Variants in CDON observed in about 807,000 individuals in gnomAD.
The protein encoded by CDON is cell adhesion associated, oncogene regulated, also known as cell adhesion molecule-related/down-regulated by oncogenes.
Under a neutral mutation model 120.9 loss-of-function variants are expected in CDON, and 73 were observed. The observed-to-expected ratio is 0.60, with a 90% CI of 0.50 to 0.73. The LOEUF (loss-of-function observed/expected upper bound fraction) is 0.73. Ranked by LOEUF, CDON falls within the 30% of genes least tolerant of loss-of-function variation. The pLI, the probability that CDON is intolerant of heterozygous loss-of-function variation, is 0.00. For missense variants in CDON, 1,470 were observed against 1,587.3 expected, an observed-to-expected ratio of 0.93 and a Z score of 1.26; for synonymous variants, 566 against 573.5, an observed-to-expected ratio of 0.99 and a Z score of 0.19.
Position 125,960,654 on chromosome 11 carries a change from G to A in CDON, c.*288C>T. 1 of 426,434 alleles carries A rather than the reference G, an allele frequency of 2.3e-6. No homozygotes were observed. Among genetic ancestry groups the A allele is most frequent in the Non-Finnish European group, 4.3e-6 (1 of 231,354 alleles). 26.4% of individuals were successfully genotyped at this position (426,434 alleles called of 1,614,324 possible). On this transcript the variant is annotated 3_prime_UTR_variant, in exon 20 of 20. Coordinates refer to ENST00000531738, the MANE Select transcript of CDON (RefSeq NM_001378964.1). The stretch of plus-strand genomic sequence containing the variant: ...AGGAGCTCTTGCTGTCACTATAGCT[G>A]TTAGAAAACATGGAAGGACCCCTCT...
At chr11:126,030,770 T>G in intron 1 of CDON, among the ~76,000 whole-genome samples, 1 of 152,326 alleles carries the variant, frequency 6.6e-6, no homozygotes, top group East Asian at 1.9e-4. Context: ...AAGTCAAATA[T>G]AGTATATACT....
chr11:125,979,153 A>G (rs1250838163), intron 17 of CDON, among the ~76,000 whole-genome samples: 1 of 152,226 alleles, frequency 6.6e-6, no homozygotes, highest in African/African-American at 2.4e-5. Context: ...TGAATTTGAT[A>G]AAAGGTGGGA....
chr11:126,022,445 C>T (rs998897271), intron 2 of CDON, among the ~76,000 whole-genome samples: 1 of 152,150 alleles, frequency 6.6e-6, no homozygotes, highest in East Asian at 1.9e-4. Context: ...ATGGTTTCGT[C>T]TGTTATTTCT....
chr11:125,970,170 A>ATT (rs1327352616), intron 18 of CDON, among the ~76,000 whole-genome samples: 1 of 95,848 alleles, frequency 1.0e-5, no homozygotes, highest in African/African-American at 3.9e-5. Flanking sequence ...GTGGTAGTTT[A>ATT]TGTTTTTTTT....
chr11:125,978,009 A>G (rs1326459256), intron 18 of CDON, among the ~76,000 whole-genome samples: 2 of 152,210 alleles, frequency 1.3e-5, no homozygotes, highest in Non-Finnish European at 2.9e-5. Context: ...TAAAGTCTTT[A>G]TAACAGAGAA....
rs1486392599 is a variant in CDON at position 126,018,483 on chromosome 11, GA to G, written c.497-11del. 6.2e-7 allele frequency: 1 copy of G among 1,613,044 alleles called. No homozygotes were observed. The highest frequency in any genetic ancestry group is 8.5e-7 in the Non-Finnish European group (1 of 1,179,194). ...AGGATTAAGTAATTCTCTGAGGAAG[GA>G]AGGGAGTGCAGTTAGGCCTCTCCCT... On this transcript the variant is annotated splice_polypyrimidine_tract_variant and intron_variant, in intron 4 of 19. Transcript: ENST00000531738.
chr11:126,040,604 A>G (rs1471910394), intron 1 of CDON, among the ~76,000 whole-genome samples: 2 of 151,898 alleles, frequency 1.3e-5, no homozygotes, highest in East Asian at 3.9e-4. Context: ...TCACAAGGTC[A>G]GGAGATCGAG....
At chr11:126,033,374 AG>A (rs1490285881) in intron 1 of CDON, among the ~76,000 whole-genome samples, 1 of 152,170 alleles carries the variant, frequency 6.6e-6, no homozygotes, top group Non-Finnish European at 1.5e-5. Flanking sequence ...TTTGGGTCGC[AG>A]ATGACACTCT....
intron 1 of CDON, among the ~76,000 whole-genome samples, chr11:126,046,643 T>C (rs555878593): frequency 6.6e-6 from 1 of 152,306 alleles, no homozygotes; most frequent in African/African-American, 2.4e-5. Flanking sequence ...CTACAACACC[T>C]TCTGGCTCCA....
chr11:126,027,969 CTTTT>C (rs769832631), intron 1 of CDON, among the ~76,000 whole-genome samples: 3 of 125,774 alleles, frequency 2.4e-5, no homozygotes, highest in Admixed American at 8.1e-5. Context: ...ATCACTCTGC[CTTTT>C]TTTTTTTTTT....
At chr11:126,056,113 A>C (rs1948674942) in intron 1 of CDON, among the ~76,000 whole-genome samples, 1 of 152,328 alleles carries the variant, frequency 6.6e-6, no homozygotes, top group South Asian at 2.1e-4. Context: ...GTTGCACCCA[A>C]GAAAGAGATT....
chr11:126,029,470 A>G lies in CDON; in HGVS notation c.-61-5933T>C, dbSNP rs1947891146. Among the ~76,000 whole-genome samples the G allele has an allele frequency of 3.3e-5, 5 of 152,314 alleles. No homozygotes were observed. The South Asian group carries it at 1.0e-3, about 32-fold the overall frequency. On this transcript the variant is annotated intron_variant, in intron 1 of 19. Coordinates refer to ENST00000531738, the MANE Select transcript of CDON (RefSeq NM_001378964.1). The stretch of plus-strand genomic sequence containing the variant: ...CAAAAATTGCTGACACTCTAAGGGA[A>G]TATTTGCTGACATTCAAAACAGTAA...
At chr11:126,001,981 G>GT (rs1946960171) in intron 10 of CDON, 131 bp from the exon 11 acceptor site, 1 of 713,892 alleles carries the variant, frequency 1.4e-6, no homozygotes, top group Admixed American at 2.1e-5. Flanking sequence ...GCATCTAAAT[G>GT]TAAGACCTAC....
At chr11:125,999,850 A>G (rs1433864352) in intron 11 of CDON, among the ~76,000 whole-genome samples, 1 of 152,218 alleles carries the variant, frequency 6.6e-6, no homozygotes, top group Non-Finnish European at 1.5e-5. Flanking sequence ...ACTTTGAAGC[A>G]TATCACACAA....
At chr11:125,997,448 T>A in intron 11 of CDON, 38 bp from the exon 12 acceptor site, 1 of 1,420,696 alleles carries the variant, frequency 7.0e-7, no homozygotes, top group Non-Finnish European at 9.8e-7. Context: ...ACCCACCATG[T>A]CAGAGACAAG....
At chr11:126,012,369 C>T (rs979200697) in intron 7 of CDON, among the ~76,000 whole-genome samples, 2 of 151,818 alleles carry the variant, frequency 1.3e-5, no homozygotes, top group East Asian at 3.8e-4. Flanking sequence ...TTAAATTATA[C>T]TTTCTGTTTG....
chr11:126,029,854 C>G (rs1193471118), intron 1 of CDON, among the ~76,000 whole-genome samples: 1 of 152,146 alleles, frequency 6.6e-6, no homozygotes, highest in East Asian at 1.9e-4. Context: ...CCTGGTAGTA[C>G]AGTCTCTCCG....
rs760729204 is a variant in CDON at position 126,001,808 on chromosome 11, G to A, written c.2069C>T (p.Pro690Leu). The part of the protein sequence containing the change: ...SSKNTQASSP[P>L]VGIPKYPVVS... ...AACGGGATACTTAGGGATGCCCACGGGTGGAGAGGATGCCTGGGTGTTTTT... is the reference window on the plus strand; with the variant it reads ...AACGGGATACTTAGGGATGCCCACGAGTGGAGAGGATGCCTGGGTGTTTTT... Residue 690 changes from proline (P) to leucine (L), a missense_variant, in exon 11 of 20, where the codon CCC becomes CTC. Physicochemically the swap from Pro to Leu is moderately conservative, Grantham distance 98 (BLOSUM62 -3). Transcript: ENST00000531738. 3 of 1,610,604 alleles carry A rather than the reference G, an allele frequency of 1.9e-6. No homozygotes were observed. The highest frequency in any genetic ancestry group is 2.7e-5 in the African/African-American group (2 of 74,878).
Position 125,961,862 on chromosome 11 carries a change from C to T in CDON, c.3493G>A (p.Val1165Ile). Residue 1165 changes from valine (V) to isoleucine (I), a missense_variant, in exon 19 of 20, where the codon GTC becomes ATC. Physicochemically the swap from Val to Ile is conservative, Grantham distance 29 (BLOSUM62 3). Coordinates refer to ENST00000531738, the MANE Select transcript of CDON (RefSeq NM_001378964.1). ...TCCGGCAACTGGCCACAATCAGGGA[C>T]TGCGGAAGTCAGGCATACAGGCACC... is the stretch of plus-strand genomic sequence containing the variant. ...VKVPVCLTSA[V>I]PDCGQLPEES... The T allele has an allele frequency of 1.9e-6, 3 of 1,614,222 alleles. No homozygotes were observed. Among genetic ancestry groups the T allele is most frequent in the Non-Finnish European group, 2.5e-6 (3 of 1,180,044 alleles).
Sources: gnomAD v4.1 joint callset for allele counts (sites outside exome capture counted in the v4.1 genomes callset) on GRCh38, gnomAD v4.1.1 for gene constraint, MANE v1.5 for transcripts, NCBI Gene and HGNC (gene_info 2026-07-23, HGNC 2026-07-21) for gene names.